GRID2: variants seen among roughly 807,000 people sequenced by gnomAD.
GRID2 encodes glutamate receptor ionotropic, delta-2.
Under a neutral mutation model 114.8 loss-of-function variants are expected in GRID2, and 33 were observed. The observed-to-expected ratio is 0.29, with a 90% CI of 0.22 to 0.38. GRID2 has a LOEUF of 0.38. Ranked by LOEUF, GRID2 falls within the 10% of genes least tolerant of loss-of-function variation. GRID2 has a pLI of 1.00. For synonymous variants in GRID2, 505 were observed against 449.9 expected (o/e 1.12, Z -1.55); for missense variants, 1,184 against 1,257.7 (o/e 0.94, Z 0.89).
At chr4:93,693,667 AATT>A (rs1239556289) in intron 14 of GRID2, among the ~76,000 whole-genome samples, 2 of 152,152 alleles carry the variant, frequency 1.3e-5, no homozygotes, top group African/African-American at 4.8e-5. Context: ...TGCTGTGGTA[AATT>A]ATTATTAATA....
chr4:92,749,151 G>A (rs887243763), intron 2 of GRID2, among the ~76,000 whole-genome samples: 1 of 150,512 alleles, frequency 6.6e-6, no homozygotes, highest in Non-Finnish European at 1.5e-5. Flanking sequence ...GCACCACCAT[G>A]CACCATCAGG....
At chr4:93,541,088 G>A (rs1389399566) in intron 13 of GRID2, among the ~76,000 whole-genome samples, 1 of 152,110 alleles carries the variant, frequency 6.6e-6, no homozygotes, top group Non-Finnish European at 1.5e-5. Context: ...CCTAACTCGA[G>A]GAAATGTCGT....
At chr4:93,146,023 A>G (rs534716359) in intron 4 of GRID2, among the ~76,000 whole-genome samples, 8 of 152,262 alleles carry the variant, frequency 5.3e-5, no homozygotes, top group Admixed American at 4.6e-4. Flanking sequence ...GAAAACTGCA[A>G]GCAAATTCCC....
At chr4:92,499,186 C>G (rs1043965278) in intron 1 of GRID2, among the ~76,000 whole-genome samples, 3 of 151,748 alleles carry the variant, frequency 2.0e-5, no homozygotes, top group African/African-American at 7.3e-5. Flanking sequence ...GATTACATTT[C>G]AGAGCTTTAT....
At chr4:92,763,448 A>G (rs1738115969) in intron 2 of GRID2, among the ~76,000 whole-genome samples, 1 of 152,208 alleles carries the variant, frequency 6.6e-6, no homozygotes. Flanking sequence ...TTTTTGAAAA[A>G]CAATAAAAAA....
chr4:92,803,869 A>G (rs1175654291), intron 2 of GRID2, among the ~76,000 whole-genome samples: 1 of 152,026 alleles, frequency 6.6e-6, no homozygotes, highest in Non-Finnish European at 1.5e-5. Context: ...TCTGGAGGCA[A>G]GAAGTCTGAA....
intron 1 of GRID2, among the ~76,000 whole-genome samples, chr4:92,333,717 G>C (rs1324610104): frequency 6.6e-6 from 1 of 152,186 alleles, no homozygotes; most frequent in East Asian, 1.9e-4. Context: ...TATCCCACCA[G>C]ATACCCTTTT....
At chr4:93,325,305 T>C (rs940884099) in intron 8 of GRID2, among the ~76,000 whole-genome samples, 2 of 152,146 alleles carry the variant, frequency 1.3e-5, no homozygotes, top group Non-Finnish European at 2.9e-5. Context: ...ATGGAACTTA[T>C]TAAGATTTCT....
At chr4:92,402,548 G>A (rs1403600005) in intron 1 of GRID2, among the ~76,000 whole-genome samples, 1 of 152,178 alleles carries the variant, frequency 6.6e-6, no homozygotes, top group Non-Finnish European at 1.5e-5. Context: ...CAGAGCTCTT[G>A]GATGACCAGA....
At chr4:92,723,903 A>G (rs1265834033) in intron 2 of GRID2, among the ~76,000 whole-genome samples, 3 of 152,118 alleles carry the variant, frequency 2.0e-5, no homozygotes, top group Non-Finnish European at 2.9e-5. Flanking sequence ...CATATTCAAA[A>G]TAGCTATTAA....
chr4:93,031,046 T>C (rs1166801990), intron 2 of GRID2, among the ~76,000 whole-genome samples: 1 of 147,084 alleles, frequency 6.8e-6, no homozygotes. Context: ...TTTTTTTTTT[T>C]TTTTTTTTGA....
At chr4:92,695,814 G>A (rs917168720) in intron 2 of GRID2, among the ~76,000 whole-genome samples, 1 of 151,998 alleles carries the variant, frequency 6.6e-6, no homozygotes, top group Admixed American at 6.6e-5. Context: ...AAGGACAGAT[G>A]TCTCAAATAG....
chr4:93,798,350 AAG>A (rs142328440), intron 1 of GRID2, among the ~76,000 whole-genome samples: 2,179 of 152,090 alleles, frequency 0.014, 23 homozygotes, highest in Non-Finnish European at 0.021. Flanking sequence ...ATTAGACCTG[AAG>A]AGACTCTCCC....
chr4:92,627,087 A>G (rs1447041644), intron 2 of GRID2, among the ~76,000 whole-genome samples: 2 of 152,150 alleles, frequency 1.3e-5, no homozygotes, highest in Non-Finnish European at 2.9e-5. Context: ...TGATATGAAG[A>G]CATTTTGCAG....
At chr4:92,681,151 A>C (rs2149284357) in intron 2 of GRID2, among the ~76,000 whole-genome samples, 1 of 152,322 alleles carries the variant, frequency 6.6e-6, no homozygotes, top group Admixed American at 6.5e-5. Flanking sequence ...AGCTTACAAA[A>C]GCTACATATT....
intron 2 of GRID2, among the ~76,000 whole-genome samples, chr4:92,841,514 T>C (rs915391649): frequency 6.6e-6 from 1 of 152,000 alleles, no homozygotes; most frequent in Admixed American, 6.6e-5. Context: ...CATATTTAGA[T>C]GATGATTAGT....
At chr4:92,944,752 A>G (rs1454649044) in intron 2 of GRID2, among the ~76,000 whole-genome samples, 1 of 152,208 alleles carries the variant, frequency 6.6e-6, no homozygotes, top group African/African-American at 2.4e-5. Context: ...AAACTCGTGT[A>G]CTAACAGTTA....
At chr4:92,666,650 G>GTTTTTTTTTTTTTTTTTTTTT (rs70942922) in intron 2 of GRID2, among the ~76,000 whole-genome samples, 11 of 68,598 alleles carry the variant, frequency 1.6e-4, no homozygotes, top group African/African-American at 3.7e-4. Context: ...CTTAAGGGTT[G>GTTTTTTTTTTTTTTTTTTTTT]TTTTTTTTTT....
At chr4:92,739,426 A>AT (rs952692655) in intron 2 of GRID2, among the ~76,000 whole-genome samples, 59 of 150,254 alleles carry the variant, frequency 3.9e-4, no homozygotes, top group African/African-American at 1.0e-3. Context: ...TATGAGTAAC[A>AT]TTTTTTTTTT....
Sources: allele counts gnomAD v4.1 joint callset (sites outside exome capture counted in the v4.1 genomes callset), GRCh38; gene constraint gnomAD v4.1.1; transcripts MANE v1.5; gene names NCBI Gene and HGNC (gene_info 2026-07-23, HGNC 2026-07-21).